Variants in ANKFY1 observed in about 807,000 individuals in gnomAD.
ANKFY1 encodes the protein ankyrin repeat and FYVE domain containing 1.
In ANKFY1, 47 loss-of-function variants were observed where a neutral mutation model predicts 128.3. The ratio of observed to expected loss-of-function variants is 0.37; its 90% CI spans 0.29 to 0.47. ANKFY1 has a LOEUF of 0.47. ANKFY1 is among the 20% of genes least tolerant of loss of function. ANKFY1 has a pLI of 1.00. For missense variants in ANKFY1, 1,222 were observed against 1,510.6 expected (o/e 0.81, Z 3.17); for synonymous variants, 553 against 601.6 (o/e 0.92, Z 1.18).
At position 4,224,334 on chromosome 17, in the gene ANKFY1, C is replaced by T. The variant is rs1335322632; in HGVS notation, c.323-7216G>A. Reference sequence around the variant, plus strand: ...GCCCCCGGGGTTCACGCCATTCTCCCGCCTCAGCCTCCTGAGAAGCTGGGA... The same window carrying T: ...GCCCCCGGGGTTCACGCCATTCTCCTGCCTCAGCCTCCTGAGAAGCTGGGA... On this transcript the variant is annotated intron_variant, in intron 3 of 24. Coordinates refer to ENST00000341657, the MANE Select transcript of ANKFY1 (RefSeq NM_001330063.2). Among the ~76,000 whole-genome samples, 7 of 151,342 alleles carry T rather than the reference C, an allele frequency of 4.6e-5. No homozygotes were observed. In the South Asian group the frequency reaches 6.2e-4, roughly 14 times the overall value.
chr17:4,200,508 C>A (rs1029128645), intron 7 of ANKFY1, among the ~76,000 whole-genome samples: 1 of 152,288 alleles, frequency 6.6e-6, no homozygotes, highest in East Asian at 1.9e-4. Flanking sequence ...CTGCAGATTC[C>A]GTCTCCATTT....
chr17:4,235,583 T>C (rs987911676), intron 3 of ANKFY1, among the ~76,000 whole-genome samples, 189 bp downstream of exon 3: 2 of 152,196 alleles, frequency 1.3e-5, no homozygotes, highest in African/African-American at 4.8e-5. Flanking sequence ...CCTAAATAGG[T>C]AGGTACACAA....
rs374910014 is a variant in ANKFY1, at chr17:4,220,057, T to C, written c.323-2939A>G. On this transcript the variant is annotated intron_variant, in intron 3 of 24. Transcript: ENST00000341657. Reference sequence around the variant, plus strand: ...CCAGACTGGTCTTGAACTCCTAACCTCAGGTGATCCACCTGCTTCGGCCTC... The same window carrying C: ...CCAGACTGGTCTTGAACTCCTAACCCCAGGTGATCCACCTGCTTCGGCCTC... Among the ~76,000 whole-genome samples the C allele has an allele frequency of 3.7e-4, 56 of 152,300 alleles. No homozygotes were observed. The South Asian group carries it at 7.7e-3, about 21-fold the overall frequency.
At chr17:4,185,250 G>C (rs914707170) in intron 11 of ANKFY1, among the ~76,000 whole-genome samples, 1 of 152,166 alleles carries the variant, frequency 6.6e-6, no homozygotes, top group African/African-American at 2.4e-5. Flanking sequence ...CTGTCACCCA[G>C]GCTGGAGTGC....
intron 3 of ANKFY1, chr17:4,222,859 C>T (rs984010355): frequency 4.0e-5 from 38 of 958,198 alleles, no homozygotes; most frequent in Non-Finnish European, 6.4e-5. Context: ...TCCACCCAGA[C>T]GACTCAGTAT....
intron 1 of ANKFY1, chr17:4,263,653 C>T: frequency 6.5e-7 from 1 of 1,534,520 alleles, no homozygotes; most frequent in Non-Finnish European, 8.7e-7. Context: ...CCCTCGGGGC[C>T]CCGCGGCTGC....
chr17:4,195,697 T>A (rs750571027), intron 8 of ANKFY1, among the ~76,000 whole-genome samples: 3 of 152,068 alleles, frequency 2.0e-5, no homozygotes, highest in Non-Finnish European at 2.9e-5. Flanking sequence ...AAGGAAGTGA[T>A]CTCAAATACT....
intron 7 of ANKFY1, among the ~76,000 whole-genome samples, chr17:4,204,573 C>A (rs930307891): frequency 2.6e-5 from 4 of 152,124 alleles, no homozygotes; most frequent in Non-Finnish European, 4.4e-5. Flanking sequence ...AAATAAACAT[C>A]AAAAATGTAT....
chr17:4,214,295 G>A (rs1180045560), intron 4 of ANKFY1, among the ~76,000 whole-genome samples: 1 of 152,088 alleles, frequency 6.6e-6, no homozygotes, highest in Non-Finnish European at 1.5e-5. Flanking sequence ...ACCAATTCTA[G>A]GATCTCCAGA....
intron 1 of ANKFY1, among the ~76,000 whole-genome samples, chr17:4,254,846 T>C (rs1286289080): frequency 1.3e-5 from 2 of 152,186 alleles, no homozygotes; most frequent in Non-Finnish European, 2.9e-5. Context: ...GTTAAGTTCT[T>C]CACATTCATC....
Position 4,167,889 on chromosome 17 carries a change from AAAG to A in ANKFY1, c.3397_3399del (p.Leu1133del). 6.2e-7 allele frequency: 1 copy of A among 1,614,036 alleles called. No homozygotes were observed. ...ATCTCCTTGGTCGAGCATTTATGGC[AAAG>A]AAGACGTCCGCAGTGACGACTGTGG... On this transcript the variant is annotated inframe_deletion, in exon 25 of 25. Transcript: ENST00000341657. This position sits in a 1 kb window ranked among gnomAD's most constrained non-coding sequence, Gnocchi z 4.1.
rs2059460085 is a variant in ANKFY1, at chr17:4,178,996, T to C, written c.2459A>G (p.Gln820Arg). 1 of 1,614,222 alleles carries C rather than the reference T, an allele frequency of 6.2e-7. No individual in the cohort carries two copies. Among genetic ancestry groups the C allele is most frequent in the Non-Finnish European group, 8.5e-7 (1 of 1,180,044 alleles). ...GATATCGGGGTGAGAAACCAACAGC[T>C]GAATGATGACACCGTGTTGGCTGCT... is the stretch of plus-strand genomic sequence containing the variant. ...AISSQHGVII[Q>R]LLVSHPDIHL... is the part of the protein sequence containing the mutation. The change falls in exon 18 of 25, where the codon CAG becomes CGG. Residue 820 changes from glutamine (Q) to arginine (R), a missense_variant. Transcript: ENST00000341657. The surrounding 1 kb of genome is among the most constrained non-coding windows in gnomAD (Gnocchi z 4.1).
intron 3 of ANKFY1, among the ~76,000 whole-genome samples, chr17:4,235,099 T>G (rs1424307802): frequency 2.0e-5 from 3 of 152,012 alleles, no homozygotes; most frequent in East Asian, 1.9e-4. Context: ...TCCCAGCACT[T>G]TGGGAGGCTG....
At chr17:4,263,779 G>A in intron 1 of ANKFY1, 153 bp downstream of exon 1, 8 of 1,572,374 alleles carry the variant, frequency 5.1e-6, no homozygotes, top group Non-Finnish European at 6.9e-6. Flanking sequence ...CCCGGCCCGA[G>A]AAGCTCCGGA....
intron 10 of ANKFY1, among the ~76,000 whole-genome samples, chr17:4,190,799 T>A (rs2059702683): frequency 6.6e-6 from 1 of 152,186 alleles, no homozygotes; most frequent in South Asian, 2.1e-4. Flanking sequence ...GCTATACTAT[T>A]TGAAATTCTA....
At chr17:4,173,742 G>A (rs2059364654) in intron 20 of ANKFY1, among the ~76,000 whole-genome samples, 167 bp downstream of exon 20, 1 of 152,198 alleles carries the variant, frequency 6.6e-6, no homozygotes, top group Non-Finnish European at 1.5e-5. Flanking sequence ...GGCTGCCCAA[G>A]GCCTGGGCAG....
At chr17:4,179,586 C>T (rs1474840546) in intron 17 of ANKFY1, 135 bp downstream of exon 17, 32 of 1,144,372 alleles carry the variant, frequency 2.8e-5, no homozygotes, top group Admixed American at 1.2e-4. Flanking sequence ...AAATCATGAA[C>T]GCTGCTAGGG....
At chr17:4,182,749 C>T (rs1166137836) in intron 14 of ANKFY1, among the ~76,000 whole-genome samples, 1 of 152,196 alleles carries the variant, frequency 6.6e-6, no homozygotes, top group East Asian at 1.9e-4. Context: ...TTTTCCCTCT[C>T]AGGCCTTGTT....
chr17:4,177,435 A>G (rs774546303), intron 18 of ANKFY1, 133 bp from the exon 19 acceptor site: 20 of 741,434 alleles, frequency 2.7e-5, no homozygotes, highest in Non-Finnish European at 4.1e-5. Flanking sequence ...ACCCCCTCCC[A>G]AGAATGAACA....
Sources: allele counts gnomAD v4.1 joint callset (sites outside exome capture counted in the v4.1 genomes callset), GRCh38; gene constraint gnomAD v4.1.1; non-coding constraint Gnocchi (gnomAD v3.1); transcripts MANE v1.5; gene names NCBI Gene and HGNC (gene_info 2026-07-23, HGNC 2026-07-21).